Variants in ITM2B observed in about 807,000 individuals in gnomAD.
ITM2B encodes integral membrane protein 2B.
In ITM2B, 11 loss-of-function variants were observed where a neutral mutation model predicts 27.8. That is an observed-to-expected ratio of 0.40 (90% CI 0.25 to 0.66). The LOEUF (loss-of-function observed/expected upper bound fraction) is 0.66. Among genes scored for constraint, ITM2B ranks in the 30% least tolerant of loss-of-function variants. The probability of loss-of-function intolerance (pLI) is 0.43; values close to 1 mark genes in which losing one functional copy is unlikely to be tolerated. For synonymous variants in ITM2B, 114 were observed against 114.3 expected, an observed-to-expected ratio of 1.00 and a Z score of 0.02; for missense variants, 296 against 328.9, an observed-to-expected ratio of 0.90 and a Z score of 0.77.
intron 1 of ITM2B, among the ~76,000 whole-genome samples, chr13:48,249,130 A>G (rs2137987323): frequency 6.6e-6 from 1 of 152,328 alleles, no homozygotes; most frequent in Non-Finnish European, 1.5e-5. Flanking sequence ...TCCATCACCC[A>G]AGTAATTAGT....
intron 1 of ITM2B, among the ~76,000 whole-genome samples, chr13:48,240,582 G>A (rs760201156): frequency 2.0e-5 from 3 of 152,066 alleles, no homozygotes; most frequent in Non-Finnish European, 2.9e-5. Context: ...TCACAGCAAG[G>A]CATTCTGGTA....
intron 1 of ITM2B, among the ~76,000 whole-genome samples, chr13:48,239,947 A>G (rs1199235868): frequency 6.6e-6 from 1 of 152,174 alleles, no homozygotes; most frequent in Non-Finnish European, 1.5e-5. Context: ...CTTTTTGCCC[A>G]GTACCCTCAC....
intron 4 of ITM2B, 53 bp from the exon 5 acceptor site, chr13:48,258,744 T>C: frequency 6.5e-7 from 1 of 1,536,324 alleles, no homozygotes; most frequent in South Asian, 1.1e-5. Flanking sequence ...TTCTCTAGTC[T>C]ACTCAGTGTA....
At chr13:48,259,488 C>G (rs1410335208) in intron 5 of ITM2B, among the ~76,000 whole-genome samples, 4 of 152,142 alleles carry the variant, frequency 2.6e-5, no homozygotes, top group Non-Finnish European at 5.9e-5. Context: ...CAGTATCTCC[C>G]CATTTCCTTT....
intron 3 of ITM2B, among the ~76,000 whole-genome samples, chr13:48,257,267 G>A (rs1249762702): frequency 6.6e-6 from 1 of 152,158 alleles, no homozygotes; most frequent in Non-Finnish European, 1.5e-5. Flanking sequence ...AACTCGAGAA[G>A]CACAACCTCA....
intron 1 of ITM2B, among the ~76,000 whole-genome samples, chr13:48,239,493 G>A (rs1400453891): frequency 3.9e-5 from 6 of 152,214 alleles, no homozygotes; most frequent in Middle Eastern, 3.4e-3. Context: ...TTAGCCAGGC[G>A]TGGTGGCATG....
At position 48,233,450 on chromosome 13, in the gene ITM2B, C is replaced by T. The variant is rs1454211336; in HGVS notation, c.90C>T (p.Pro30=). 7.2e-6 allele frequency: 11 copies of T among 1,537,434 alleles called. No homozygotes were observed. The Admixed American group carries it at 1.8e-4, about 25-fold the overall frequency. The part of the protein sequence containing the change: ...PKSGEEALII[P]PDAVAVDCKD... ...GCGGCGAGGAGGCGCTCATCATCCC[C>T]CCCGACGCCGTCGCGGTGGACTGCA... Residue 30 remains proline, a synonymous_variant, in exon 1 of 6, where the codon CCC becomes CCT. Transcript: ENST00000647800.
At chr13:48,241,209 C>A (rs1490244947) in intron 1 of ITM2B, among the ~76,000 whole-genome samples, 1 of 152,230 alleles carries the variant, frequency 6.6e-6, no homozygotes, top group African/African-American at 2.4e-5. Flanking sequence ...CTTTTTGCCC[C>A]AGTAGGGCGT....
intron 2 of ITM2B, among the ~76,000 whole-genome samples, chr13:48,255,968 CCTTT>C (rs1223690059): frequency 6.6e-6 from 1 of 152,070 alleles, no homozygotes; most frequent in East Asian, 2.0e-4. Flanking sequence ...AAACCAGCTG[CCTTT>C]CTTCTGAAGC....
At position 48,253,762 on chromosome 13, in the gene ITM2B, ATTCT is replaced by A. The variant is rs781633931; in HGVS notation, c.118-45_118-42del. 2.5e-6 allele frequency: 4 copies of A among 1,588,382 alleles called. No individual in the cohort carries two copies. The African/African-American group carries it at 5.4e-5, about 21-fold the overall frequency. On this transcript the variant is annotated intron_variant, in intron 1 of 5. Coordinates refer to ENST00000647800, the MANE Select transcript of ITM2B (RefSeq NM_021999.5). ...TTTTTCTAGTCCTGAGCCTTCTGTTATTCTGTCTGGAGATAAGATATTTAACTGT... is the reference window on the plus strand; with the variant it reads ...TTTTTCTAGTCCTGAGCCTTCTGTTAGTCTGGAGATAAGATATTTAACTGT...
chr13:48,254,345 AC>A (rs998433925), intron 2 of ITM2B, among the ~76,000 whole-genome samples: 1 of 152,164 alleles, frequency 6.6e-6, no homozygotes, highest in Admixed American at 6.5e-5. Flanking sequence ...GTCCTGCTGT[AC>A]CCTTGGGCCC....
rs1398990713 is a variant in ITM2B, at chr13:48,233,247, A to G, written c.-114A>G. ...GCCGCGGAGCTTCCCGAACCTCTTC[A>G]GCCGCCCGGAGCCGCTCCCGGAGCC... On this transcript the variant is annotated 5_prime_UTR_variant, in exon 1 of 6. Coordinates refer to ENST00000647800, the MANE Select transcript of ITM2B (RefSeq NM_021999.5). 1.2e-5 allele frequency: 7 copies of G among 603,594 alleles called. No individual in the cohort carries two copies. Among genetic ancestry groups the G allele is most frequent in the Non-Finnish European group, 1.9e-5 (7 of 361,280 alleles). The allele number at this position is 603,594 out of a possible 1,614,324, so 37.4% of individuals were successfully genotyped here. A position where few individuals can be genotyped will look rare whatever the true frequency, so the allele number is the denominator to read the frequency against.
In ITM2B at chr13:48,266,218, C is replaced by T. The variant is rs1185823309; in HGVS notation, c.*4994C>T. 6.6e-6 allele frequency: 1 copy of T among 152,172 alleles called. No individual in the cohort carries two copies. Among genetic ancestry groups the T allele is most frequent in the East Asian group, 1.9e-4 (1 of 5,190 alleles). The allele number at this position is 152,172 out of a possible 1,614,324, so 9.4% of individuals were successfully genotyped here. A position where few individuals can be genotyped will look rare whatever the true frequency, so the allele number is the denominator to read the frequency against. On this transcript the variant is annotated 3_prime_UTR_variant, in exon 6 of 6. Transcript: ENST00000647800. ...TTTTTTCAAGCCCTAAAATCCTGCC[C>T]TCACTAGACTTCTCTCACCATTTCT...
At chr13:48,259,957 G>C (rs1451572481) in intron 5 of ITM2B, among the ~76,000 whole-genome samples, 1 of 151,970 alleles carries the variant, frequency 6.6e-6, no homozygotes, top group South Asian at 2.1e-4. Flanking sequence ...CCATCAACCT[G>C]TCACCAAATT....
chr13:48,233,601 G>A (rs1329082684), intron 1 of ITM2B, 124 bp downstream of exon 1: 1 of 529,952 alleles, frequency 1.9e-6, no homozygotes, highest in Non-Finnish European at 3.2e-6. Context: ...ACAAGTCCCC[G>A]AGAGAGCCCG....
intron 3 of ITM2B, among the ~76,000 whole-genome samples, chr13:48,257,234 TG>T (rs1409180949): frequency 2.6e-5 from 4 of 152,234 alleles, no homozygotes; most frequent in African/African-American, 9.6e-5. Context: ...ATTTGTGGAC[TG>T]TAGTTAACTA....
intron 1 of ITM2B, among the ~76,000 whole-genome samples, chr13:48,246,080 AG>A (rs748812503): frequency 6.6e-6 from 1 of 152,146 alleles, no homozygotes; most frequent in Non-Finnish European, 1.5e-5. Context: ...ACCCAGCCTA[AG>A]TTCTCCTTTT....
Position 48,265,539 on chromosome 13 carries a change from A to G in ITM2B, c.*4315A>G, listed in dbSNP as rs991485097. The G allele has an allele frequency of 1.3e-5, 2 of 152,364 alleles. No homozygotes were observed. The highest frequency in any genetic ancestry group is 4.8e-5 in the African/African-American group (2 of 41,378). 9.4% of individuals were successfully genotyped at this position (152,364 alleles called of 1,614,324 possible). Reference sequence around the variant, plus strand: ...ACGAACTTGATGGTTTCATTGTCACACCCCAGCTTAAAACACTTTCCTGGC... The same window carrying G: ...ACGAACTTGATGGTTTCATTGTCACGCCCCAGCTTAAAACACTTTCCTGGC... On this transcript the variant is annotated 3_prime_UTR_variant, in exon 6 of 6. Transcript: ENST00000647800.
At chr13:48,250,415 T>C (rs1415383833) in intron 1 of ITM2B, among the ~76,000 whole-genome samples, 3 of 152,016 alleles carry the variant, frequency 2.0e-5, no homozygotes, top group Non-Finnish European at 2.9e-5. Flanking sequence ...GTCAGGAGAT[T>C]GAGACCATCC....
Sources: gnomAD v4.1 joint callset for allele counts (sites outside exome capture counted in the v4.1 genomes callset) on GRCh38, gnomAD v4.1.1 for gene constraint, MANE v1.5 for transcripts, NCBI Gene and HGNC (gene_info 2026-07-23, HGNC 2026-07-21) for gene names.